Variants in UTP20 observed in about 807,000 individuals in gnomAD.
UTP20 encodes the protein small subunit processome component 20 homolog.
In UTP20, 164 loss-of-function variants were observed where a neutral mutation model predicts 329.5. The ratio of observed to expected loss-of-function variants is 0.50; its 90% CI spans 0.44 to 0.57. The LOEUF is 0.57. Among genes scored for constraint, UTP20 ranks in the 20% least tolerant of loss-of-function variants. UTP20 has a pLI of 0.00. For missense variants in UTP20, 3,055 were observed against 3,284.2 expected (o/e 0.93, Z 1.71); for synonymous variants, 1,151 against 1,159.3 (o/e 0.99, Z 0.14).
intron 17 of UTP20, among the ~76,000 whole-genome samples, chr12:101,307,343 G>T (rs1872668703): frequency 6.6e-6 from 1 of 151,036 alleles, no homozygotes; most frequent in African/African-American, 2.4e-5. Context: ...AACAAATGGG[G>T]TTTTTCCATA....
intron 26 of UTP20, 107 bp from the exon 27 acceptor site, chr12:101,329,134 T>C (rs527688738): frequency 6.4e-5 from 61 of 959,400 alleles, no homozygotes; most frequent in Non-Finnish European, 9.3e-5. Flanking sequence ...ACCATGACAG[T>C]AGAAAATACT....
chr12:101,328,491 G>A (rs2137266056), intron 26 of UTP20, among the ~76,000 whole-genome samples: 1 of 152,244 alleles, frequency 6.6e-6, no homozygotes, highest in Admixed American at 6.6e-5. Flanking sequence ...CAAGGAACTT[G>A]TAATACAGAA....
chr12:101,312,105 A>G lies in UTP20; in HGVS notation c.2381A>G (p.Glu794Gly). 6.2e-7 allele frequency: 1 copy of G among 1,614,248 alleles called. No individual in the cohort carries two copies. The highest frequency in any genetic ancestry group is 2.2e-5 in the East Asian group (1 of 44,882). Residue 794 changes from glutamate (E) to glycine (G), a missense_variant, in exon 21 of 62, where the codon GAA becomes GGA. Transcript: ENST00000261637. ...VGDESWEQTQEGDVGALYHEQ... is the reference protein window; with the variant it reads ...VGDESWEQTQGGDVGALYHEQ... ...GATGAAAGTTGGGAGCAGACCCAGGAAGGAGATGTTGGAGCTCTTTATCAT... is the reference window on the plus strand; with the variant it reads ...GATGAAAGTTGGGAGCAGACCCAGGGAGGAGATGTTGGAGCTCTTTATCAT...
intron 27 of UTP20, among the ~76,000 whole-genome samples, chr12:101,331,520 A>G (rs900479632): frequency 2.0e-5 from 3 of 152,222 alleles, no homozygotes; most frequent in Non-Finnish European, 4.4e-5. Flanking sequence ...TAATAAGCTG[A>G]AAGTAGAACA....
Position 101,327,183 on chromosome 12 carries a change from C to T in UTP20, c.3144C>T (p.Thr1048=). The stretch of plus-strand genomic sequence containing the variant: ...TTGTCCTGCGGTTCCTGGCCGGGAC[C>T]CAACCTGAGGAGATCCAGATATTCT... The part of the protein sequence containing the change: ...MAIVLRFLAG[T]QPEEIQIFLD... Residue 1048 remains threonine, a synonymous_variant, in exon 26 of 62, where the codon ACC becomes ACT. Coordinates refer to ENST00000261637, the MANE Select transcript of UTP20 (RefSeq NM_014503.3). 6.2e-7 allele frequency: 1 copy of T among 1,613,082 alleles called. No individual in the cohort carries two copies. The highest frequency in any genetic ancestry group is 8.5e-7 in the Non-Finnish European group (1 of 1,179,162).
intron 21 of UTP20, among the ~76,000 whole-genome samples, chr12:101,312,818 A>T (rs1872838231): frequency 6.6e-6 from 1 of 152,230 alleles, no homozygotes; most frequent in African/African-American, 2.4e-5. Context: ...TCAGATAACA[A>T]CTAAACTAGT....
intron 57 of UTP20, among the ~76,000 whole-genome samples, chr12:101,380,315 G>T (rs577731149): frequency 6.6e-6 from 1 of 152,024 alleles, no homozygotes; most frequent in South Asian, 2.1e-4. Flanking sequence ...GGAGGTCAAG[G>T]TTACAGTGGG....
At chr12:101,339,911 A>G (rs1472840801) in intron 31 of UTP20, among the ~76,000 whole-genome samples, 30 of 152,246 alleles carry the variant, frequency 2.0e-4, no homozygotes, top group Admixed American at 1.6e-3. Flanking sequence ...TTAAAATACT[A>G]TTGTATTTCT....
Position 101,321,389 on chromosome 12 carries a change from T to C in UTP20, c.2916-115T>C, listed in dbSNP as rs191376827. 12 of 1,414,594 alleles carry C rather than the reference T, an allele frequency of 8.5e-6. No homozygotes were observed. In the African/African-American group the frequency reaches 1.7e-4, roughly 20 times the overall value. 87.6% of individuals were successfully genotyped at this position (1,414,594 alleles called of 1,614,324 possible). A position where few individuals can be genotyped will look rare whatever the true frequency, so the allele number is the denominator to read the frequency against. ...GATTTTCCTTTATGGATATCAACCA[T>C]AATATGTACTATATACCTTATTTTA... is the stretch of plus-strand genomic sequence containing the variant. On this transcript the variant is annotated intron_variant, in intron 24 of 61. Coordinates refer to ENST00000261637, the MANE Select transcript of UTP20 (RefSeq NM_014503.3).
At chr12:101,318,104 T>G (rs988726574) in intron 22 of UTP20, among the ~76,000 whole-genome samples, 2 of 152,226 alleles carry the variant, frequency 1.3e-5, no homozygotes, top group African/African-American at 4.8e-5. Context: ...ACCATCCTGT[T>G]AGCACTTTTC....
intron 28 of UTP20, 61 bp from the exon 29 acceptor site, chr12:101,334,364 T>C: frequency 7.1e-7 from 1 of 1,411,842 alleles, no homozygotes; most frequent in African/African-American, 1.4e-5. Flanking sequence ...GTTAGTTATT[T>C]GTGGTTTTTC....
rs1320185607 is a variant in UTP20, at chr12:101,342,804, G to A, written c.4263G>A (p.Glu1421=). ...CTVFETLSDF[E]SGLKYITDVV... is the part of the protein sequence containing the mutation. ...CCTTTCAGACTCTTTCTGATTTTGA[G>A]AGTGGGTTAAAATATATTACTGATG... The change falls in exon 34 of 62, where the codon GAG becomes GAA. Residue 1421 remains glutamate, a synonymous_variant. Coordinates refer to ENST00000261637, the MANE Select transcript of UTP20 (RefSeq NM_014503.3). 3 of 1,613,318 alleles carry A rather than the reference G, an allele frequency of 1.9e-6. No individual in the cohort carries two copies. In the African/African-American group the frequency reaches 4.0e-5, roughly 22 times the overall value.
At chr12:101,350,015 C>A (rs1869463463) in intron 38 of UTP20, among the ~76,000 whole-genome samples, 2 of 151,918 alleles carry the variant, frequency 1.3e-5, no homozygotes, top group Admixed American at 6.6e-5. Flanking sequence ...TCAGAATTGT[C>A]TTTTTTATCT....
intron 27 of UTP20, 122 bp from the exon 28 acceptor site, chr12:101,333,179 C>G: frequency 1.1e-6 from 1 of 927,460 alleles, no homozygotes; most frequent in Non-Finnish European, 1.6e-6. Flanking sequence ...ATCAAGTCAA[C>G]AGATTTAGTA....
chr12:101,346,690 C>A (rs111906440), intron 38 of UTP20, 102 bp downstream of exon 38: 1 of 1,208,082 alleles, frequency 8.3e-7, no homozygotes, highest in Non-Finnish European at 1.1e-6. Flanking sequence ...ATGTCATCAC[C>A]ATAATTAGAG....
intron 45 of UTP20, among the ~76,000 whole-genome samples, chr12:101,364,701 C>G (rs1195772829): frequency 3.3e-5 from 5 of 152,138 alleles, no homozygotes; most frequent in Admixed American, 1.3e-4. Flanking sequence ...AGAGCACTAT[C>G]TATTGACATG....
At chr12:101,302,405 A>G (rs1475812569) in intron 14 of UTP20, 43 bp from the exon 15 acceptor site, 1 of 1,238,314 alleles carries the variant, frequency 8.1e-7, no homozygotes, top group South Asian at 1.3e-5. Context: ...TAATAATGTC[A>G]AAGAAATAAG....
chr12:101,309,623 G>T, intron 18 of UTP20, 140 bp from the exon 19 acceptor site: 2 of 649,684 alleles, frequency 3.1e-6, no homozygotes, highest in Non-Finnish European at 2.6e-6. Context: ...ATTTTGGATT[G>T]GTGCCTGCAA....
intron 21 of UTP20, among the ~76,000 whole-genome samples, chr12:101,314,199 A>T (rs1057482966): frequency 3.3e-5 from 5 of 152,206 alleles, no homozygotes; most frequent in African/African-American, 1.2e-4. Context: ...AATCAAGTGA[A>T]GAGACTAAAG....
Sources: allele counts gnomAD v4.1 joint callset (sites outside exome capture counted in the v4.1 genomes callset), GRCh38; gene constraint gnomAD v4.1.1; transcripts MANE v1.5; gene names NCBI Gene and HGNC (gene_info 2026-07-23, HGNC 2026-07-21).